DPYD: variants seen among roughly 807,000 people sequenced by gnomAD.
DPYD encodes the protein dihydropyrimidine dehydrogenase.
A neutral mutation model predicts 116.2 loss-of-function variants in DPYD; 109 were observed. The ratio of observed to expected loss-of-function variants is 0.94; its 90% confidence interval spans 0.80 to 1.10. The LOEUF is 1.10. Among genes scored for constraint, DPYD ranks in the 50% least tolerant of loss-of-function variants. DPYD has a pLI of 0.00. For missense variants in DPYD, 1,302 were observed against 1,254.5 expected, an observed-to-expected ratio of 1.04 and a Z score of -0.57; for synonymous variants, 440 against 432.0, an observed-to-expected ratio of 1.02 and a Z score of -0.23.
intron 5 of DPYD, among the ~76,000 whole-genome samples, chr1:97,703,417 A>G (rs1372740809): frequency 6.6e-6 from 1 of 151,974 alleles, no homozygotes. Context: ...TATATTTCAT[A>G]GAGATGCTTT....
chr1:97,413,357 A>G (rs1429452650), intron 14 of DPYD, among the ~76,000 whole-genome samples: 1 of 152,212 alleles, frequency 6.6e-6, no homozygotes, highest in Non-Finnish European at 1.5e-5. Flanking sequence ...TTATAGCATT[A>G]AATGTTTCCA....
At chr1:97,552,723 A>G (rs1284067874) in intron 11 of DPYD, among the ~76,000 whole-genome samples, 1 of 152,082 alleles carries the variant, frequency 6.6e-6, no homozygotes, top group African/African-American at 2.4e-5. Context: ...TAAAAATCAA[A>G]CAATTCTTTG....
intron 10 of DPYD, among the ~76,000 whole-genome samples, chr1:97,581,848 A>C (rs924744597): frequency 1.6e-4 from 25 of 152,178 alleles, no homozygotes; most frequent in African/African-American, 6.0e-4. Context: ...GGAATTAGTT[A>C]CTAGGAAGTT....
chr1:97,097,255 G>A (rs1181748161), intron 21 of DPYD, among the ~76,000 whole-genome samples: 5 of 152,126 alleles, frequency 3.3e-5, no homozygotes, highest in Non-Finnish European at 5.9e-5. Context: ...TTGCCCTTTC[G>A]GAACTCTGTA....
intron 21 of DPYD, among the ~76,000 whole-genome samples, chr1:97,085,881 G>A (rs1040090): frequency 0.14 from 21,794 of 152,206 alleles, 1,715 homozygotes; most frequent in Non-Finnish European, 0.17. Flanking sequence ...ATGGTTATAT[G>A]TAGATATGTA....
chr1:97,090,344 A>G (rs1649816950), intron 21 of DPYD, among the ~76,000 whole-genome samples: 1 of 152,128 alleles, frequency 6.6e-6, no homozygotes, highest in Non-Finnish European at 1.5e-5. Context: ...CTTGGCTTTG[A>G]TATCTTCCTA....
intron 20 of DPYD, among the ~76,000 whole-genome samples, chr1:97,186,881 AAAAG>A (rs1359447306): frequency 6.6e-6 from 1 of 152,102 alleles, no homozygotes; most frequent in Admixed American, 6.6e-5. Context: ...AAAAAAATAA[AAAAG>A]AAAATGGCTT....
intron 19 of DPYD, among the ~76,000 whole-genome samples, chr1:97,219,748 G>A (rs1484812544): frequency 2.0e-5 from 3 of 152,146 alleles, no homozygotes; most frequent in Admixed American, 6.5e-5. Flanking sequence ...TGAGGAAAGC[G>A]ACAGCTGGTG....
chr1:97,457,417 T>C (rs1211957154), intron 13 of DPYD, among the ~76,000 whole-genome samples: 1 of 152,170 alleles, frequency 6.6e-6, no homozygotes, highest in Non-Finnish European at 1.5e-5. Flanking sequence ...CATAATCATG[T>C]AGCCTTTTGT....
At chr1:97,373,454 C>A (rs112479071) in intron 16 of DPYD, 107 bp downstream of exon 16, 2 of 923,874 alleles carry the variant, frequency 2.2e-6, no homozygotes, top group Non-Finnish European at 1.7e-6. Context: ...AAGTCTCTAG[C>A]CAGTCATCTG....
intron 2 of DPYD, chr1:97,856,428 G>T (rs1462731207): frequency 1.3e-5 from 2 of 152,092 alleles, no homozygotes; most frequent in Non-Finnish European, 2.9e-5. Flanking sequence ...AAGGTCATTG[G>T]CCTATTATCA....
chr1:97,290,629 C>A (rs897633949), intron 18 of DPYD, among the ~76,000 whole-genome samples: 4 of 152,058 alleles, frequency 2.6e-5, no homozygotes, highest in African/African-American at 7.2e-5. Context: ...AACTGGCTAG[C>A]CATATGTAGA....
At chr1:97,601,470 G>C (rs1240257409) in intron 8 of DPYD, among the ~76,000 whole-genome samples, 1 of 151,888 alleles carries the variant, frequency 6.6e-6, no homozygotes, top group Non-Finnish European at 1.5e-5. Context: ...ATGCATCTAT[G>C]TATATATATG....
At chr1:97,732,290 C>A (rs1663664261) in intron 4 of DPYD, among the ~76,000 whole-genome samples, 1 of 151,922 alleles carries the variant, frequency 6.6e-6, no homozygotes, top group African/African-American at 2.4e-5. Context: ...TCCTAGCTAA[C>A]ACGGTGAAAC....
intron 18 of DPYD, among the ~76,000 whole-genome samples, chr1:97,254,611 T>A (rs1663329976): frequency 6.6e-6 from 1 of 152,102 alleles, no homozygotes; most frequent in Admixed American, 6.6e-5. Context: ...GGGTGTAAAA[T>A]CCAGATTAGA....
intron 8 of DPYD, among the ~76,000 whole-genome samples, chr1:97,652,822 A>G (rs530464511): frequency 2.0e-5 from 3 of 152,286 alleles, no homozygotes; most frequent in South Asian, 2.1e-4. Flanking sequence ...CCTCGGGTAT[A>G]TGACCCATAA....
At chr1:97,568,264 A>C (rs972474268) in intron 11 of DPYD, among the ~76,000 whole-genome samples, 1 of 152,164 alleles carries the variant, frequency 6.6e-6, no homozygotes, top group Non-Finnish European at 1.5e-5. Flanking sequence ...ATTCCCAAAC[A>C]ACATGAATAG....
intron 13 of DPYD, among the ~76,000 whole-genome samples, chr1:97,513,406 T>C (rs1647956089): frequency 6.6e-6 from 1 of 151,770 alleles, no homozygotes; most frequent in Non-Finnish European, 1.5e-5. Context: ...ACTCCCTTGG[T>C]AAGCATTTAA....
At chr1:97,586,670 G>C (rs1199847055) in intron 10 of DPYD, among the ~76,000 whole-genome samples, 2 of 150,862 alleles carry the variant, frequency 1.3e-5, no homozygotes, top group Non-Finnish European at 3.0e-5. Context: ...ATCTTAAATG[G>C]GCACAAGCTT....
Sources: allele counts gnomAD v4.1 joint callset (sites outside exome capture counted in the v4.1 genomes callset), GRCh38; gene constraint gnomAD v4.1.1; transcripts MANE v1.5; gene names NCBI Gene and HGNC (gene_info 2026-07-23, HGNC 2026-07-21).